Variants in RALYL observed in about 807,000 individuals in gnomAD.
The protein encoded by RALYL is RNA-binding Raly-like protein.
RALYL carries 29 observed loss-of-function variants against 35.1 expected under a neutral mutation model. The ratio of observed to expected loss-of-function variants is 0.83; its 90% CI spans 0.61 to 1.13. RALYL has a LOEUF of 1.13. Among genes scored for constraint, RALYL ranks in the 50% most tolerant of loss-of-function variants. The pLI, the probability that RALYL is intolerant of heterozygous loss-of-function variation, is 0.00. For synonymous variants in RALYL, 120 were observed against 127.6 expected (o/e 0.94, Z 0.40); for missense variants, 359 against 360.4 (o/e 1.00, Z 0.03).
chr8:84,548,332 G>T (rs1392461964), intron 2 of RALYL, among the ~76,000 whole-genome samples: 1 of 151,844 alleles, frequency 6.6e-6, no homozygotes, highest in Non-Finnish European at 1.5e-5. Flanking sequence ...GAGTTCTGTC[G>T]CATGTTTACA....
At chr8:84,692,113 C>T (rs1197158922) in intron 2 of RALYL, among the ~76,000 whole-genome samples, 1 of 151,744 alleles carries the variant, frequency 6.6e-6, no homozygotes, top group African/African-American at 2.4e-5. Context: ...GAAAAACATG[C>T]ACATGAGTAA....
chr8:84,716,448 T>C (rs922148377), intron 2 of RALYL, among the ~76,000 whole-genome samples: 3 of 152,166 alleles, frequency 2.0e-5, no homozygotes, highest in Non-Finnish European at 4.4e-5. Context: ...GAGGAAAAAT[T>C]CATTTACTTG....
chr8:84,589,558 CTG>C (rs1341255730), intron 2 of RALYL, among the ~76,000 whole-genome samples: 2 of 152,106 alleles, frequency 1.3e-5, no homozygotes, highest in Admixed American at 6.5e-5. Context: ...ACATAATTCA[CTG>C]TGAAAAATAT....
At chr8:84,705,493 C>T (rs1314840288) in intron 2 of RALYL, among the ~76,000 whole-genome samples, 1 of 152,046 alleles carries the variant, frequency 6.6e-6, no homozygotes, top group Non-Finnish European at 1.5e-5. Context: ...ATAGACAAAA[C>T]TAAAATTGAG....
In RALYL at chr8:84,262,533, A is replaced by G. The variant is rs1253466853; in HGVS notation, c.-24+78109A>G. Among the ~76,000 whole-genome samples, 3 of 152,220 alleles carry G rather than the reference A, an allele frequency of 2.0e-5. No individual in the cohort carries two copies. In the East Asian group the frequency reaches 5.8e-4, roughly 29 times the overall value. ...ATTTGTTGTTTTTTATAAATGTTTT[A>G]TAATGAATGATAATACATTTACATA... On this transcript the variant is annotated intron_variant, in intron 1 of 8. Transcript: ENST00000521268.
At chr8:84,659,386 G>A (rs1320422782) in intron 2 of RALYL, among the ~76,000 whole-genome samples, 2 of 151,946 alleles carry the variant, frequency 1.3e-5, no homozygotes, top group East Asian at 1.9e-4. Context: ...AAATGTGAGA[G>A]AGCCATTGTA....
At chr8:84,815,451 C>T (rs1826988221) in intron 4 of RALYL, among the ~76,000 whole-genome samples, 1 of 146,862 alleles carries the variant, frequency 6.8e-6, no homozygotes, top group Admixed American at 6.8e-5. Flanking sequence ...ATTATAAATA[C>T]ATAATACTGA....
chr8:84,439,291 G>T (rs997871635), intron 1 of RALYL, among the ~76,000 whole-genome samples: 2 of 151,984 alleles, frequency 1.3e-5, no homozygotes, highest in Admixed American at 1.3e-4. Flanking sequence ...TCCTTATAGA[G>T]ATCTTTCAAC....
chr8:84,440,453 A>G (rs1363668764), intron 1 of RALYL, among the ~76,000 whole-genome samples: 3 of 152,186 alleles, frequency 2.0e-5, no homozygotes, highest in Non-Finnish European at 4.4e-5. Flanking sequence ...ATTGATTTGG[A>G]GGGATTGAAT....
chr8:84,323,856 A>G (rs1205545627), intron 1 of RALYL, among the ~76,000 whole-genome samples: 3 of 152,140 alleles, frequency 2.0e-5, no homozygotes, highest in Non-Finnish European at 1.5e-5. Context: ...GTGCTACAAT[A>G]TGACTCAGTG....
intron 1 of RALYL, among the ~76,000 whole-genome samples, chr8:84,282,376 T>C (rs1021076538): frequency 6.6e-6 from 1 of 152,132 alleles, no homozygotes; most frequent in African/African-American, 2.4e-5. Context: ...GGCTGGCACA[T>C]AGTAATTGCT....
At chr8:84,621,445 C>T (rs1045635908) in intron 2 of RALYL, among the ~76,000 whole-genome samples, 2 of 152,210 alleles carry the variant, frequency 1.3e-5, no homozygotes, top group Non-Finnish European at 2.9e-5. Context: ...ATGCCTCACC[C>T]TGCTTCGGCT....
intron 2 of RALYL, among the ~76,000 whole-genome samples, chr8:84,643,558 G>A (rs114725843): frequency 0.01 from 1,554 of 152,062 alleles, 32 homozygotes; most frequent in African/African-American, 0.035. Context: ...GCATTCACAG[G>A]CATCCCTATG....
chr8:84,248,361 A>G (rs1014957244), intron 1 of RALYL, among the ~76,000 whole-genome samples: 4 of 152,090 alleles, frequency 2.6e-5, no homozygotes, highest in African/African-American at 9.7e-5. Flanking sequence ...TGGACCAAAT[A>G]ATCTCCTGAT....
At chr8:84,843,445 C>T (rs1334474358) in intron 4 of RALYL, among the ~76,000 whole-genome samples, 4 of 152,096 alleles carry the variant, frequency 2.6e-5, no homozygotes, top group Admixed American at 2.6e-4. Flanking sequence ...GAACTACAAA[C>T]CACTGCTCAA....
In RALYL at chr8:84,342,295, T is replaced by TATATATATATAAAA. The variant is rs1053647755; in HGVS notation, c.-24+157872_-24+157873insTATATATATAAAAA. ...ATCGTTCAATATATATATATATATA[T>TATATATATATAAAA]AAAACTCAAAAAGTGTGGTCCTCCC... On this transcript the variant is annotated intron_variant, in intron 1 of 8. Coordinates refer to ENST00000521268, the MANE Select transcript of RALYL (RefSeq NM_173848.7). 9.9e-4 allele frequency among the ~76,000 whole-genome samples: 118 copies of TATATATATATAAAA among 119,738 alleles called. 9 individuals carry two copies. The highest frequency in any genetic ancestry group is 4.1e-3 in the African/African-American group (109 of 26,688). 78.6% of individuals were successfully genotyped at this position (119,738 alleles called of 152,430 possible). A position where few individuals can be genotyped will look rare whatever the true frequency, so the allele number is the denominator to read the frequency against.
At chr8:84,367,318 A>ATTTGTTT in intron 1 of RALYL, among the ~76,000 whole-genome samples, 1 of 27,400 alleles carries the variant, frequency 3.6e-5, no homozygotes, top group Non-Finnish European at 9.9e-5. Context: ...TAATTTTTGT[A>ATTTGTTT]TTTTTTTTTT....
chr8:84,202,726 C>T (rs552263737), intron 1 of RALYL, among the ~76,000 whole-genome samples: 6 of 152,136 alleles, frequency 3.9e-5, no homozygotes, highest in African/African-American at 1.2e-4. Context: ...ACTTTAGACT[C>T]TAACCACTAG....
chr8:84,383,425 G>C (rs1051118957), intron 1 of RALYL, among the ~76,000 whole-genome samples: 1 of 151,642 alleles, frequency 6.6e-6, no homozygotes, highest in African/African-American at 2.4e-5. Context: ...GACATTGAGG[G>C]CTTGAGAAAG....
Sources: allele counts gnomAD v4.1 joint callset (sites outside exome capture counted in the v4.1 genomes callset), GRCh38; gene constraint gnomAD v4.1.1; transcripts MANE v1.5; gene names NCBI Gene and HGNC (gene_info 2026-07-23, HGNC 2026-07-21).